Variants in IQCB1 observed in about 807,000 individuals in gnomAD.
The protein encoded by IQCB1 is IQ calmodulin-binding motif-containing protein 1.
Under a neutral mutation model 84.4 loss-of-function variants are expected in IQCB1, and 56 were observed. The ratio of observed to expected loss-of-function variants is 0.66; its 90% confidence interval spans 0.54 to 0.83. The LOEUF (loss-of-function observed/expected upper bound fraction) is 0.83, where lower values mean the gene tolerates loss of function less well. IQCB1 is among the 40% of genes least tolerant of loss of function. The pLI is 0.00. For synonymous variants in IQCB1, 210 were observed against 234.8 expected, an observed-to-expected ratio of 0.89 and a Z score of 0.96; for missense variants, 629 against 682.1, an observed-to-expected ratio of 0.92 and a Z score of 0.87.
In IQCB1 at chr3:121,799,276, G is replaced by A. The variant is rs1949316825; in HGVS notation, c.686C>T (p.Thr229Ile). 6.2e-7 allele frequency: 1 copy of A among 1,609,328 alleles called. No individual in the cohort carries two copies. The highest frequency in any genetic ancestry group is 8.5e-7 in the Non-Finnish European group (1 of 1,176,740). ...FSTPSPVIRS[T>I]ATKLLLLMAE... ...CATCAACAGTAGGAGTTTTGTAGCA[G>A]TACTTCTTATAACTGGACTAGGAGT... Residue 229 changes from threonine to isoleucine, a missense_variant, in exon 8 of 15, where the codon ACT becomes ATT. By Grantham distance (89) the Thr-to-Ile change is moderately conservative. Transcript: ENST00000310864.
At chr3:121,829,507 T>G (rs1950560614) in intron 2 of IQCB1, among the ~76,000 whole-genome samples, 1 of 152,222 alleles carries the variant, frequency 6.6e-6, no homozygotes, top group Admixed American at 6.5e-5. Flanking sequence ...ATACCCGCCT[T>G]CCTTCCAGGA....
chr3:121,780,326 T>C (rs534456461), intron 13 of IQCB1, among the ~76,000 whole-genome samples: 1 of 152,304 alleles, frequency 6.6e-6, no homozygotes, highest in African/African-American at 2.4e-5. Context: ...ATGTCCAGGG[T>C]CTTGAAAACG....
chr3:121,789,656 T>C (rs1948879028), intron 11 of IQCB1, among the ~76,000 whole-genome samples: 1 of 152,252 alleles, frequency 6.6e-6, no homozygotes, highest in South Asian at 2.1e-4. Flanking sequence ...CATCTTCTTA[T>C]TAATTTCAGC....
At chr3:121,817,716 T>C (rs1310767365) in intron 5 of IQCB1, among the ~76,000 whole-genome samples, 1 of 152,092 alleles carries the variant, frequency 6.6e-6, no homozygotes, top group African/African-American at 2.4e-5. Flanking sequence ...TTATGGACTG[T>C]TTGTGTCCCT....
Position 121,816,811 on chromosome 3 carries a change from G to A in IQCB1, c.394-7802C>T, listed in dbSNP as rs1228327173. ...GAAATAGGAACGCTTTTACACTGTT[G>A]GTGGGAATGTAAGTTCAACCACTGT... On this transcript the variant is annotated intron_variant, in intron 5 of 14. Transcript: ENST00000310864. Among the ~76,000 whole-genome samples, 8 of 152,300 alleles carry A rather than the reference G, an allele frequency of 5.3e-5. No homozygotes were observed. The East Asian group carries it at 1.5e-3, about 29-fold the overall frequency.
intron 5 of IQCB1, among the ~76,000 whole-genome samples, chr3:121,809,958 C>A (rs1237331830): frequency 2.7e-5 from 4 of 148,588 alleles, no homozygotes; most frequent in Admixed American, 6.7e-5. Context: ...AAAAAAAAAA[C>A]CCATAAGAAA....
At chr3:121,805,535 T>A (rs895293894) in intron 7 of IQCB1, among the ~76,000 whole-genome samples, 9 of 152,170 alleles carry the variant, frequency 5.9e-5, no homozygotes, top group African/African-American at 2.2e-4. Context: ...GTTAAGTTAC[T>A]TGGAAACAGT....
chr3:121,782,451 G>T (rs1225950147), intron 12 of IQCB1, among the ~76,000 whole-genome samples: 1 of 152,216 alleles, frequency 6.6e-6, no homozygotes, highest in African/African-American at 2.4e-5. Flanking sequence ...TAAAGCAGGG[G>T]TCAGCAAATC....
At chr3:121,795,154 C>G (rs1348252049) in intron 10 of IQCB1, among the ~76,000 whole-genome samples, 1 of 151,920 alleles carries the variant, frequency 6.6e-6, no homozygotes, top group Non-Finnish European at 1.5e-5. Flanking sequence ...ATTATGATAA[C>G]TGTTGGTTTA....
At chr3:121,777,434 G>C (rs1333392789) in intron 13 of IQCB1, among the ~76,000 whole-genome samples, 2 of 152,150 alleles carry the variant, frequency 1.3e-5, no homozygotes, top group African/African-American at 2.4e-5. Flanking sequence ...TAATGCAATG[G>C]TAAGTTTTTG....
intron 5 of IQCB1, among the ~76,000 whole-genome samples, chr3:121,811,490 G>A (rs957261425): frequency 3.9e-5 from 6 of 152,154 alleles, no homozygotes; most frequent in South Asian, 2.1e-4. Context: ...CCACTCCCAC[G>A]GAGACCAGCA....
chr3:121,794,024 A>G (rs1949089362), intron 10 of IQCB1, among the ~76,000 whole-genome samples: 1 of 152,146 alleles, frequency 6.6e-6, no homozygotes, highest in Non-Finnish European at 1.5e-5. Context: ...CTCTATCTGA[A>G]TTCACCACAG....
intron 10 of IQCB1, among the ~76,000 whole-genome samples, chr3:121,792,366 A>G (rs1949016415): frequency 6.6e-6 from 1 of 152,040 alleles, no homozygotes; most frequent in South Asian, 2.1e-4. Context: ...GACAGGACAA[A>G]AGTGAGATTT....
intron 13 of IQCB1, among the ~76,000 whole-genome samples, chr3:121,775,359 C>A (rs779070588): frequency 6.6e-6 from 1 of 152,156 alleles, no homozygotes; most frequent in Non-Finnish European, 1.5e-5. Flanking sequence ...TCATTCTCAG[C>A]AAACTAATAC....
At chr3:121,833,923 A>T (rs942287151) in intron 2 of IQCB1, 5 of 152,158 alleles carry the variant, frequency 3.3e-5, no homozygotes, top group Admixed American at 6.5e-5. Context: ...AATTGCTTTC[A>T]TGTATTAACT....
chr3:121,781,876 T>C lies in IQCB1; in HGVS notation c.1279-2A>G, dbSNP rs751386502. On this transcript the variant is annotated splice_acceptor_variant, in intron 12 of 14. Transcript: ENST00000310864. LOFTEE classifies it high-confidence loss of function. ...GCACTTCGCTAGGAATTTAAGCGCC[T>C]GGAAGAAAAAAAATTGAAGGTTTGT... The C allele has an allele frequency of 6.2e-7, 1 of 1,612,624 alleles. No homozygotes were observed. The highest frequency in any genetic ancestry group is 8.5e-7 in the Non-Finnish European group (1 of 1,179,048).
At chr3:121,796,374 T>C (rs1371045690) in intron 9 of IQCB1, among the ~76,000 whole-genome samples, 1 of 152,072 alleles carries the variant, frequency 6.6e-6, no homozygotes, top group Non-Finnish European at 1.5e-5. Flanking sequence ...CTTTTCCTTT[T>C]AAATTAAAAA....
intron 5 of IQCB1, among the ~76,000 whole-genome samples, chr3:121,821,338 T>C (rs1950267015): frequency 6.6e-6 from 1 of 152,204 alleles, no homozygotes; most frequent in East Asian, 1.9e-4. Flanking sequence ...AAAGATGTCA[T>C]ACTTATTCCT....
chr3:121,781,697 A>G (rs777603931), intron 13 of IQCB1, 46 bp downstream of exon 13: 1 of 1,525,726 alleles, frequency 6.6e-7, no homozygotes, highest in Non-Finnish European at 9.1e-7. Flanking sequence ...TATCAATATC[A>G]TGCATTGGAA....
Sources: allele counts gnomAD v4.1 joint callset (sites outside exome capture counted in the v4.1 genomes callset), GRCh38; gene constraint gnomAD v4.1.1; transcripts MANE v1.5; gene names NCBI Gene and HGNC (gene_info 2026-07-23, HGNC 2026-07-21).